Variants in RNF150 observed in about 807,000 individuals in gnomAD.
RNF150 encodes ring finger protein 150.
RNF150 carries 24 observed loss-of-function variants against 39.3 expected under a neutral mutation model. The ratio of observed to expected loss-of-function variants is 0.61; its 90% CI spans 0.44 to 0.86. RNF150 has a LOEUF of 0.86. Among genes scored for constraint, RNF150 ranks in the 40% least tolerant of loss-of-function variants. The probability of loss-of-function intolerance (pLI) is 0.00; values close to 1 mark genes in which losing one functional copy is unlikely to be tolerated. For synonymous variants in RNF150, 255 were observed against 227.3 expected, an observed-to-expected ratio of 1.12 and a Z score of -1.10; for missense variants, 502 against 587.8, an observed-to-expected ratio of 0.85 and a Z score of 1.51.
chr4:141,166,426 G>C (rs1560765785), intron 1 of RNF150, among the ~76,000 whole-genome samples: 1 of 152,164 alleles, frequency 6.6e-6, no homozygotes, highest in African/African-American at 2.4e-5. Flanking sequence ...TGGGAAAAGA[G>C]GGACTCCTCC....
At chr4:140,957,873 G>T (rs1579003278) in intron 2 of RNF150, among the ~76,000 whole-genome samples, 2 of 145,126 alleles carry the variant, frequency 1.4e-5, no homozygotes, top group South Asian at 4.5e-4. Flanking sequence ...ACACAGGAAG[G>T]GGAACGTCAC....
intron 1 of RNF150, among the ~76,000 whole-genome samples, chr4:140,970,471 T>TCC (rs1560993281): frequency 7.0e-6 from 1 of 142,556 alleles, no homozygotes; most frequent in Non-Finnish European, 1.5e-5. Flanking sequence ...ACTATCCCCC[T>TCC]CCCCACCCAT....
chr4:141,113,335 G>GT (rs1246862013), intron 1 of RNF150, among the ~76,000 whole-genome samples: 2 of 55,950 alleles, frequency 3.6e-5, no homozygotes, highest in Non-Finnish European at 8.0e-5. Flanking sequence ...CAAATGGAAA[G>GT]TTAAAAAAAA....
intron 6 of RNF150, among the ~76,000 whole-genome samples, chr4:140,890,060 C>A (rs760719400): frequency 6.6e-6 from 1 of 152,140 alleles, no homozygotes; most frequent in East Asian, 1.9e-4. Context: ...AGTTTCATAT[C>A]CCCAACACAG....
intron 1 of RNF150, among the ~76,000 whole-genome samples, chr4:141,169,400 T>G (rs1224621815): frequency 1.3e-5 from 2 of 152,172 alleles, no homozygotes; most frequent in East Asian, 3.8e-4. Context: ...CTCTTTTATT[T>G]ATAAATTGCC....
intron 4 of RNF150, among the ~76,000 whole-genome samples, chr4:140,931,070 T>G (rs749344158): frequency 2.0e-5 from 3 of 151,592 alleles, no homozygotes; most frequent in Non-Finnish European, 4.4e-5. Context: ...TGTGTGTGTT[T>G]GGGGTGTGGG....
chr4:141,132,880 C>G lies in RNF150; in HGVS notation c.-72G>C. 7.6e-7 allele frequency: 1 copy of G among 1,314,928 alleles called. No individual in the cohort carries two copies. Among genetic ancestry groups the G allele is most frequent in the South Asian group, 1.3e-5 (1 of 79,502 alleles). 81.5% of individuals were successfully genotyped at this position (1,314,928 alleles called of 1,614,324 possible). On this transcript the variant is annotated 5_prime_UTR_variant, in exon 1 of 7. Transcript: ENST00000515673. The surrounding 1 kb of genome is among the most constrained non-coding windows in gnomAD (Gnocchi z 4.9). ...CCCGTCCCTCCTCCCCAGCCCCGGC[C>G]AACCCCGGGCCGCTGCCTCTCCTCC...
intron 1 of RNF150, among the ~76,000 whole-genome samples, chr4:141,069,763 T>G (rs1485170551): frequency 6.6e-6 from 1 of 152,032 alleles, no homozygotes; most frequent in Non-Finnish European, 1.5e-5. Context: ...ATTCAGAGAT[T>G]CAACTTCTTC....
rs369619727 is a variant in RNF150, at chr4:140,867,694, G to A, written c.*567C>T. ...TGGCCTTAGTCCATTTCAGGGTGCTGAGGCACTTCTCAAAGCCATGCACAC... is the reference window on the plus strand; with the variant it reads ...TGGCCTTAGTCCATTTCAGGGTGCTAAGGCACTTCTCAAAGCCATGCACAC... On this transcript the variant is annotated 3_prime_UTR_variant, in exon 7 of 7. Coordinates refer to ENST00000515673, the MANE Select transcript of RNF150 (RefSeq NM_020724.2). The A allele has an allele frequency of 1.3e-5, 2 of 152,384 alleles. No individual in the cohort carries two copies. Among genetic ancestry groups the A allele is most frequent in the South Asian group, 4.1e-4 (2 of 4,820 alleles). 9.4% of individuals were successfully genotyped at this position (152,384 alleles called of 1,614,324 possible).
intron 1 of RNF150, chr4:141,053,596 G>C: frequency 4.3e-6 from 3 of 699,498 alleles, no homozygotes; most frequent in Non-Finnish European, 6.2e-6. Context: ...AAATTGATTA[G>C]AAAGTTAAGG....
At chr4:141,061,653 T>C (rs1737234586) in intron 1 of RNF150, among the ~76,000 whole-genome samples, 1 of 152,146 alleles carries the variant, frequency 6.6e-6, no homozygotes, top group Non-Finnish European at 1.5e-5. Context: ...CAAAGAAAAA[T>C]GTCAAATTCT....
chr4:141,136,473 TA>T (rs1727029327), upstream of RNF150, among the ~76,000 whole-genome samples: 1 of 152,236 alleles, frequency 6.6e-6, no homozygotes, highest in African/African-American at 2.4e-5. Context: ...GGGACATTAA[TA>T]TGTTTCCAGC....
chr4:141,128,424 C>G (rs1223893403), intron 1 of RNF150, among the ~76,000 whole-genome samples: 1 of 152,130 alleles, frequency 6.6e-6, no homozygotes, highest in Non-Finnish European at 1.5e-5. Context: ...GCTCTAGAGG[C>G]TACACTCCTA....
intron 6 of RNF150, among the ~76,000 whole-genome samples, chr4:140,900,386 G>C (rs7666808): frequency 0.58 from 87,938 of 151,988 alleles, 26,154 homozygotes; most frequent in East Asian, 0.89. Context: ...GATAACCTCA[G>C]AGGTTTCTCT....
At chr4:141,096,012 T>G (rs1202306984) in intron 1 of RNF150, among the ~76,000 whole-genome samples, 1 of 152,106 alleles carries the variant, frequency 6.6e-6, no homozygotes, top group Non-Finnish European at 1.5e-5. Flanking sequence ...CATATAACAG[T>G]TAACAGCAGT....
At chr4:141,183,395 C>T (rs1727944614) in intron 1 of RNF150, among the ~76,000 whole-genome samples, 2 of 151,960 alleles carry the variant, frequency 1.3e-5, no homozygotes, top group African/African-American at 4.8e-5. Flanking sequence ...GAGAGAAAAA[C>T]CTGTGAATAT....
At chr4:141,206,108 T>C (rs1728370615) in intron 1 of RNF150, among the ~76,000 whole-genome samples, 1 of 152,100 alleles carries the variant, frequency 6.6e-6, no homozygotes, top group South Asian at 2.1e-4. Flanking sequence ...CCATCTTTTC[T>C]CTCCTTCTTT....
intron 6 of RNF150, among the ~76,000 whole-genome samples, chr4:140,904,494 T>C (rs1237400560): frequency 6.6e-6 from 1 of 152,214 alleles, no homozygotes; most frequent in Admixed American, 6.5e-5. Flanking sequence ...GAACAGAGAC[T>C]TCGCCATTTC....
At chr4:140,914,959 A>G (rs576717138) in intron 5 of RNF150, among the ~76,000 whole-genome samples, 237 of 152,248 alleles carry the variant, frequency 1.6e-3, no homozygotes, top group Non-Finnish European at 2.6e-3. Context: ...AACAAAAACA[A>G]AAACAAAACA....
Sources: gnomAD v4.1 joint callset for allele counts (sites outside exome capture counted in the v4.1 genomes callset) on GRCh38, gnomAD v4.1.1 for gene constraint, Gnocchi (gnomAD v3.1) non-coding constraint, MANE v1.5 for transcripts, NCBI Gene and HGNC (gene_info 2026-07-23, HGNC 2026-07-21) for gene names.